ARHGAP6: variants seen among roughly 807,000 people sequenced by gnomAD.
ARHGAP6 encodes rho GTPase-activating protein 6.
Under a neutral mutation model 55.7 loss-of-function variants are expected in ARHGAP6, and 16 were observed. That is an observed-to-expected ratio of 0.29 (90% confidence interval 0.19 to 0.44). The LOEUF is 0.44. ARHGAP6 is among the 20% of genes least tolerant of loss of function. The probability of loss-of-function intolerance (pLI) is 1.00; values close to 1 mark genes in which losing one functional copy is unlikely to be tolerated. For synonymous variants in ARHGAP6, 382 were observed against 360.9 expected (o/e 1.06, Z -0.66); for missense variants, 698 against 808.9 (o/e 0.86, Z 1.66).
intron 1 of ARHGAP6, chrX:11,293,512 T>G (rs1394347749): frequency 8.9e-6 from 1 of 112,279 alleles, no homozygotes; most frequent in Non-Finnish European, 1.9e-5. Flanking sequence ...TTTATTGTGC[T>G]TATTTCTTTC....
rs746195419 is a variant in ARHGAP6, at chrX:11,176,232, CATATATATATAT to C, written c.1629+1856_1629+1867del. ...CTCTTTTGCCTGTTAAGAGGATTTG[CATATATATATAT>C]ATATATATATATATATATATTTGCA... On this transcript the variant is annotated intron_variant, in intron 8 of 12. Coordinates refer to ENST00000337414, the MANE Select transcript of ARHGAP6 (RefSeq NM_013427.3). 5.0e-4 allele frequency among the ~76,000 whole-genome samples: 12 copies of C among 23,917 alleles called. 1 individual carries two copies. Among genetic ancestry groups the C allele is most frequent in the Middle Eastern group, 0.037 (1 of 27 alleles). 20.8% of individuals were successfully genotyped at this position (23,917 alleles called of 115,157 possible).
intron 1 of ARHGAP6, chrX:11,335,297 A>G (rs2048617836): frequency 8.1e-6 from 1 of 123,002 alleles, no homozygotes; most frequent in Non-Finnish European, 1.6e-5. Context: ...GGATATACAC[A>G]TGCCATAGTG....
intron 1 of ARHGAP6, among the ~76,000 whole-genome samples, chrX:11,405,422 T>C (rs927720214): frequency 1.8e-5 from 2 of 112,395 alleles, no homozygotes; most frequent in Non-Finnish European, 3.8e-5. Context: ...AAAACACATC[T>C]GGATCCCAAT....
chrX:11,605,625 T>C (rs1207090960), intron 1 of ARHGAP6, among the ~76,000 whole-genome samples: 1 of 111,687 alleles, frequency 9.0e-6, no homozygotes, highest in Admixed American at 9.5e-5. Flanking sequence ...TTTAAACATC[T>C]CATTGTAATT....
At chrX:11,294,370 G>A (rs1272186446) in intron 1 of ARHGAP6, among the ~76,000 whole-genome samples, 2 of 112,290 alleles carry the variant, frequency 1.8e-5, no homozygotes, top group African/African-American at 6.5e-5. Context: ...GTGCCTCCTT[G>A]TTCTAAAATT....
chrX:11,498,929 T>A (rs1174065999), intron 1 of ARHGAP6, among the ~76,000 whole-genome samples: 1 of 111,689 alleles, frequency 9.0e-6, no homozygotes, highest in Non-Finnish European at 1.9e-5. Context: ...TGACATATAA[T>A]TGTACATATT....
At chrX:11,266,070 T>TGA (rs1271634212) in intron 1 of ARHGAP6, 7 of 249,717 alleles carry the variant, frequency 2.8e-5, no homozygotes, top group African/African-American at 2.5e-4. Context: ...TGTGTGTGTG[T>TGA]GTGAGAGAGA....
chrX:11,345,465 A>G (rs779022186), intron 1 of ARHGAP6, among the ~76,000 whole-genome samples: 9 of 112,787 alleles, frequency 8.0e-5, no homozygotes, highest in Non-Finnish European at 1.5e-4. Flanking sequence ...AAATACATAG[A>G]TACTTGTTTT....
intron 3 of ARHGAP6, among the ~76,000 whole-genome samples, chrX:11,193,005 T>C (rs12353636): frequency 0.21 from 23,736 of 112,010 alleles, 2,031 homozygotes; most frequent in African/African-American, 0.31. Context: ...AATTATTCTG[T>C]ATGAAAATAT....
At chrX:11,232,084 A>T (rs986119099) in intron 2 of ARHGAP6, among the ~76,000 whole-genome samples, 3 of 112,295 alleles carry the variant, frequency 2.7e-5, no homozygotes, top group African/African-American at 9.7e-5. Context: ...ACTTTTATCA[A>T]TTTTTTGTGT....
intron 1 of ARHGAP6, among the ~76,000 whole-genome samples, chrX:11,411,864 A>G (rs1237846232): frequency 9.0e-6 from 1 of 111,387 alleles, no homozygotes; most frequent in Non-Finnish European, 1.9e-5. Context: ...CTGTAAACTT[A>G]CTGCGTTGGA....
chrX:11,577,353 C>T (rs1052688207), intron 1 of ARHGAP6, among the ~76,000 whole-genome samples: 3 of 112,050 alleles, frequency 2.7e-5, no homozygotes, highest in Non-Finnish European at 1.9e-5. Flanking sequence ...GGACTCAGCC[C>T]TGCAGGGAGA....
At chrX:11,248,730 C>T (rs1287487427) in intron 2 of ARHGAP6, among the ~76,000 whole-genome samples, 1 of 112,145 alleles carries the variant, frequency 8.9e-6, no homozygotes, top group Non-Finnish European at 1.9e-5. Flanking sequence ...CCACCTTACT[C>T]CTGCAAGAAT....
intron 3 of ARHGAP6, among the ~76,000 whole-genome samples, chrX:11,196,014 G>A (rs2046533378): frequency 1.1e-5 from 1 of 94,676 alleles, no homozygotes; most frequent in Non-Finnish European, 2.1e-5. Context: ...GGCGCCTGTA[G>A]TCCCAGCTAC....
intron 1 of ARHGAP6, among the ~76,000 whole-genome samples, chrX:11,310,208 T>A (rs1263077794): frequency 5.2e-5 from 2 of 38,707 alleles, no homozygotes; most frequent in African/African-American, 2.8e-4. Flanking sequence ...CTAGGATAGC[T>A]TTAAAAAAAA....
In ARHGAP6 at chrX:11,144,276, G is replaced by A. The variant is rs980365480; in HGVS notation, c.1908-28C>T. On this transcript the variant is annotated intron_variant, in intron 10 of 12. Coordinates refer to ENST00000337414, the MANE Select transcript of ARHGAP6 (RefSeq NM_013427.3). ...GGCACAATGAGACAATTACAGGTGC[G>A]TGAGTTTGTTAACAAGTAGTGACCA... 8 of 1,207,592 alleles carry A rather than the reference G, an allele frequency of 6.6e-6. No homozygotes were observed. The African/African-American group carries it at 1.4e-4, about 21-fold the overall frequency.
At chrX:11,505,454 G>C (rs776906434) in intron 1 of ARHGAP6, among the ~76,000 whole-genome samples, 30 of 111,430 alleles carry the variant, frequency 2.7e-4, no homozygotes, top group African/African-American at 9.5e-4. Context: ...ATTGGCAGGA[G>C]TGTAAATTAG....
intron 2 of ARHGAP6, among the ~76,000 whole-genome samples, chrX:11,231,285 A>G (rs1221670215): frequency 1.8e-5 from 2 of 112,215 alleles, no homozygotes; most frequent in Non-Finnish European, 3.8e-5. Context: ...AGAATGGCTG[A>G]TATCAAGAGC....
At chrX:11,266,035 GTGT>G in intron 1 of ARHGAP6, 1 of 64,233 alleles carries the variant, frequency 1.6e-5, no homozygotes, top group Non-Finnish European at 2.7e-5. Flanking sequence ...GTGTGTGCCT[GTGT>G]GTGTGTGTGT....
Sources: allele counts gnomAD v4.1 joint callset (sites outside exome capture counted in the v4.1 genomes callset), GRCh38; gene constraint gnomAD v4.1.1; transcripts MANE v1.5; gene names NCBI Gene and HGNC (gene_info 2026-07-23, HGNC 2026-07-21).